The following E4F1 variants were observed in gnomAD, a reference collection of about 807,000 sequenced individuals.
E4F1 encodes the protein transcription factor E4F1.
In E4F1, 30 loss-of-function variants were observed where a neutral mutation model predicts 72.9. That is an observed-to-expected ratio of 0.41 (90% CI 0.31 to 0.56). E4F1 has a LOEUF of 0.56. Among genes scored for constraint, E4F1 ranks in the 20% least tolerant of loss-of-function variants. E4F1 has a pLI of 0.25. For synonymous variants in E4F1, 542 were observed against 478.2 expected (o/e 1.13, Z -1.74); for missense variants, 1,091 against 1,117.5 (o/e 0.98, Z 0.34).
chr16:2,233,704 C>G, intron 8 of E4F1, 57 bp downstream of exon 8: 2 of 1,505,346 alleles, frequency 1.3e-6, no homozygotes, highest in African/African-American at 1.4e-5. Context: ...GGGGCTGTCC[C>G]CACGCTGGCC....
chr16:2,233,383 T>C, intron 7 of E4F1, 55 bp from the exon 8 acceptor site: 1 of 1,469,818 alleles, frequency 6.8e-7, no homozygotes, highest in South Asian at 1.4e-5. Context: ...CCCCATGGGG[T>C]GGGTGCTGGA....
In E4F1 at chr16:2,235,149, G is replaced by A. The variant is rs746655240; in HGVS notation, c.1998+6G>A. The stretch of plus-strand genomic sequence containing the variant: ...TCGAGGGCACCCAGACAGAGGTGAG[G>A]GGTAGGGCAGGCGGGGGCGGGGAGG... On this transcript the variant is annotated splice_donor_region_variant and intron_variant, in intron 13 of 13. Transcript: ENST00000301727. 3 of 1,612,100 alleles carry A rather than the reference G, an allele frequency of 1.9e-6. No individual in the cohort carries two copies. Among genetic ancestry groups the A allele is most frequent in the South Asian group, 2.2e-5 (2 of 91,060 alleles).
At chr16:2,226,060 T>G (rs1020410273) in intron 1 of E4F1, among the ~76,000 whole-genome samples, 2 of 151,042 alleles carry the variant, frequency 1.3e-5, no homozygotes, top group Admixed American at 1.3e-4. Context: ...CCCACTGCAC[T>G]CCAGCCTGGG....
chr16:2,230,142 G>A (rs945213702), intron 3 of E4F1: 7 of 187,994 alleles, frequency 3.7e-5, no homozygotes, highest in African/African-American at 1.4e-4. Context: ...GCTGCTGGCC[G>A]TGGCCTGCCC....
rs776985376 is a variant in E4F1 at position 2,235,366 on chromosome 16, G to A, written c.2149G>A (p.Glu717Lys). 9.9e-6 allele frequency: 16 copies of A among 1,609,902 alleles called. No individual in the cohort carries two copies. The highest frequency in any genetic ancestry group is 3.3e-5 in the South Asian group (3 of 91,082). ...AADTITIATP[E>K]SLTEQVAMTL... The stretch of plus-strand genomic sequence containing the variant: ...CGACACCATCACCATCGCCACCCCC[G>A]AGAGCCTGACAGAGCAGGTGGCCAT... Residue 717 changes from glutamate to lysine, a missense_variant, in exon 14 of 14, where the codon GAG becomes AAG. Physicochemically the swap from Glu to Lys is moderately conservative, Grantham distance 56. Coordinates refer to ENST00000301727, the MANE Select transcript of E4F1 (RefSeq NM_004424.5).
intron 3 of E4F1, chr16:2,230,564 A>G (rs1596762272): frequency 6.7e-6 from 1 of 150,208 alleles, no homozygotes; most frequent in South Asian, 2.1e-4. Flanking sequence ...GCTGGACAGG[A>G]AGTAGGTTTG....
rs543683068 is a variant in E4F1 at position 2,233,890 on chromosome 16, C to T, written c.1275C>T (p.Ala425=). 81 of 1,593,444 alleles carry T rather than the reference C, an allele frequency of 5.1e-5. No individual in the cohort carries two copies. In the South Asian group the frequency reaches 8.2e-4, roughly 16 times the overall value. ...TTCCTGTGGTTCCCCAGCAGGTGGCCAGCGAGGCCTCAGCGGTGCCCAGGA... is the reference window on the plus strand; with the variant it reads ...TTCCTGTGGTTCCCCAGCAGGTGGCTAGCGAGGCCTCAGCGGTGCCCAGGA... The part of the protein sequence containing the change: ...LEVQPLETQV[A]SEASAVPRTH... The change falls in exon 9 of 14, where the codon GCC becomes GCT. Residue 425 remains alanine (A), a synonymous_variant. Coordinates refer to ENST00000301727, the MANE Select transcript of E4F1 (RefSeq NM_004424.5).
chr16:2,233,207 A>G, intron 7 of E4F1, 24 bp downstream of exon 7: 3 of 1,581,238 alleles, frequency 1.9e-6, no homozygotes, highest in Non-Finnish European at 8.6e-7. Flanking sequence ...GGGGCCCCGG[A>G]GGGCTGCTCT....
Position 2,228,377 on chromosome 16 carries a change from G to A in E4F1, c.163G>A (p.Asp55Asn). Residue 55 changes from aspartate to asparagine, a missense_variant, in exon 2 of 14, where the codon GAC becomes AAC. Asp to Asn is a conservative substitution (Grantham distance 23). This residue lies in a region of E4F1 where 362 missense variants were observed against 358.6 expected (regional missense o/e 1.01). Coordinates refer to ENST00000301727, the MANE Select transcript of E4F1 (RefSeq NM_004424.5). ...TGACAGCAGGCTCGTTGCAGATGAG[G>A]ACGATGTGCACAGATGCGGCCGCTG... ...LPAPFSEEDE[D>N]DVHRCGRCQA... 1 of 1,613,794 alleles carries A rather than the reference G, an allele frequency of 6.2e-7. No homozygotes were observed. The highest frequency in any genetic ancestry group is 8.5e-7 in the Non-Finnish European group (1 of 1,180,020).
chr16:2,223,912 C>G, intron 1 of E4F1, 142 bp downstream of exon 1: 1 of 1,531,502 alleles, frequency 6.5e-7, no homozygotes. Context: ...CCCTCACAGC[C>G]CTCCACGAAA....
Position 2,234,169 on chromosome 16 carries a change from A to C in E4F1, c.1376-2A>C. 6.2e-7 allele frequency: 1 copy of C among 1,611,000 alleles called. No homozygotes were observed. The highest frequency in any genetic ancestry group is 8.5e-7 in the Non-Finnish European group (1 of 1,179,408). On this transcript the variant is annotated splice_acceptor_variant, in intron 9 of 13. Transcript: ENST00000301727. LOFTEE classifies it high-confidence loss of function. Reference sequence around the variant, plus strand: ...TTGGCCTGATGCTGTGTGTGGCTGCAGGGCCGAGGCCGTTCGCCTGCGCGC... The same window carrying C: ...TTGGCCTGATGCTGTGTGTGGCTGCCGGGCCGAGGCCGTTCGCCTGCGCGC...
At chr16:2,231,759 G>A (rs1567301028) in intron 3 of E4F1, 1 of 177,832 alleles carries the variant, frequency 5.6e-6, no homozygotes, top group Non-Finnish European at 1.2e-5. Context: ...GAGTGGCCCC[G>A]GACGCACATC....
rs749988881 is a variant in E4F1 at position 2,234,711 on chromosome 16, G to A, written c.1722G>A (p.Pro574=). The part of the protein sequence containing the change: ...RHVRHHTGEK[P]FKCYKCGRGF... ...TGCGACACCACACAGGCGAGAAGCC[G>A]TTCAAGTGCTACAAGTGCGGCCGTG... Residue 574 remains proline, a synonymous_variant, in exon 11 of 14, where the codon CCG becomes CCA. Transcript: ENST00000301727. 17 of 1,566,618 alleles carry A rather than the reference G, an allele frequency of 1.1e-5. No homozygotes were observed. In the Admixed American group the frequency reaches 1.5e-4, roughly 14 times the overall value.
chr16:2,235,319 T>G lies in E4F1; in HGVS notation c.2102T>G (p.Leu701Arg), dbSNP rs2141479395. Residue 701 changes from leucine to arginine, a missense_variant, in exon 14 of 14, where the codon CTG (leucine) becomes CGG (arginine). This residue lies in a region of E4F1 where 622 missense variants were observed against 628.0 expected (regional missense o/e 0.99). Coordinates refer to ENST00000301727, the MANE Select transcript of E4F1 (RefSeq NM_004424.5). Reference sequence around the variant, plus strand: ...GTCACCATGGACGAGGAGACGGCGCTGGGCCCAGAGGCGGCTGCCGCCGAC... The same window carrying G: ...GTCACCATGGACGAGGAGACGGCGCGGGGCCCAGAGGCGGCTGCCGCCGAC... Reference protein sequence around the residue: ...QNVTMDEETALGPEAAAADTI... With the variant: ...QNVTMDEETARGPEAAAADTI... 6.2e-7 allele frequency: 1 copy of G among 1,610,884 alleles called. No homozygotes were observed. Among genetic ancestry groups the G allele is most frequent in the African/African-American group, 1.3e-5 (1 of 75,038 alleles).
Position 2,223,670 on chromosome 16 carries a change from C to T in E4F1, c.57C>T (p.Ala19=), listed in dbSNP as rs757175068. The T allele has an allele frequency of 2.7e-5, 42 of 1,582,934 alleles. No homozygotes were observed. The Admixed American group carries it at 3.5e-4, about 13-fold the overall frequency. ...CCGCTCATACGGCAGAAGCCCAGGC[C>T]GAAGCCGGGCGGGAAGCGGGCGAGG... The part of the protein sequence containing the change: ...VTAAHTAEAQ[A]EAGREAGEGA... The change falls in exon 1 of 14, where the codon GCC becomes GCT. Residue 19 remains alanine (A), a synonymous_variant. Transcript: ENST00000301727.
chr16:2,232,414 T>A (rs2093473032), intron 4 of E4F1, 42 bp from the exon 5 acceptor site: 15 of 1,603,424 alleles, frequency 9.4e-6, no homozygotes, highest in Non-Finnish European at 1.3e-5. Context: ...CCCCCTCCTG[T>A]TCCCCCAGGA....
chr16:2,228,511 G>A lies in E4F1; in HGVS notation c.297G>A (p.Leu99=), dbSNP rs144964049. ...CTGCCACCCCTGCCACCACAGCGTT[G>A]CTGGGCCAGGAGGTGAGCCCTCACC... ...ALPATPATTA[L]LGQEVVPAAP... Residue 99 remains leucine (L), a synonymous_variant, in exon 2 of 14, where the codon TTG becomes TTA. Transcript: ENST00000301727. The A allele has an allele frequency of 6.2e-7, 1 of 1,612,664 alleles. No homozygotes were observed. The highest frequency in any genetic ancestry group is 8.5e-7 in the Non-Finnish European group (1 of 1,179,754).
At position 2,232,886 on chromosome 16, in the gene E4F1, C is replaced by T. The variant is rs145239569; in HGVS notation, c.861C>T (p.Val287=). The T allele has an allele frequency of 5.6e-6, 9 of 1,613,294 alleles. No individual in the cohort carries two copies. The highest frequency in any genetic ancestry group is 7.6e-6 in the Non-Finnish European group (9 of 1,180,028). Residue 287 remains valine, a synonymous_variant, in exon 6 of 14, where the codon GTC becomes GTT. Coordinates refer to ENST00000301727, the MANE Select transcript of E4F1 (RefSeq NM_004424.5). ...IRFSVSKDVV[V]SKEDARAGSG... is the part of the protein sequence containing the mutation. ...TCAGTGTGAGCAAGGACGTGGTTGTCAGCAAAGAGGACGCACGTGCAGGTC... is the reference window on the plus strand; with the variant it reads ...TCAGTGTGAGCAAGGACGTGGTTGTTAGCAAAGAGGACGCACGTGCAGGTC...
Position 2,223,706 on chromosome 16 carries a change from G to A in E4F1, c.93G>A (p.Ala31=), listed in dbSNP as rs982072745. ...GGGAAGCGGGCGAGGGTGCAGTTGC[G>A]GCGGTGGCGGCGGCCTTGGCCCCCA... ...AGREAGEGAV[A]AVAAALAPSG... Residue 31 remains alanine (A), a synonymous_variant, in exon 1 of 14, where the codon GCG becomes GCA. Transcript: ENST00000301727. 5 of 1,561,340 alleles carry A rather than the reference G, an allele frequency of 3.2e-6. No individual in the cohort carries two copies. Among genetic ancestry groups the A allele is most frequent in the African/African-American group, 1.4e-5 (1 of 70,788 alleles).
Sources: gnomAD v4.1 joint callset for allele counts (sites outside exome capture counted in the v4.1 genomes callset) on GRCh38, gnomAD v4.1.1 for gene constraint, gnomAD v4.1.1 regional missense constraint, MANE v1.5 for transcripts, NCBI Gene and HGNC (gene_info 2026-07-23, HGNC 2026-07-21) for gene names.